The following WDR41 variants were observed in gnomAD, a reference collection of about 807,000 sequenced individuals.
WDR41 encodes the protein WD repeat-containing protein 41.
A neutral mutation model predicts 69.3 loss-of-function variants in WDR41; 63 were observed. The ratio of observed to expected loss-of-function variants is 0.91; its 90% confidence interval spans 0.74 to 1.12. The LOEUF is 1.12. WDR41 is among the 50% of genes most tolerant of loss of function. The pLI is 0.00. For synonymous variants in WDR41, 185 were observed against 192.1 expected, an observed-to-expected ratio of 0.96 and a Z score of 0.31; for missense variants, 543 against 534.5, an observed-to-expected ratio of 1.02 and a Z score of -0.16.
chr5:77,549,602 CT>C (rs1436666300), intron 1 of WDR41, among the ~76,000 whole-genome samples: 6 of 152,102 alleles, frequency 3.9e-5, no homozygotes, highest in African/African-American at 1.4e-4. Context: ...CTACAAAATG[CT>C]GCTGAAAGAA....
Position 77,557,823 on chromosome 5 carries a change from CTG to C in WDR41, c.42+62654_42+62655del, listed in dbSNP as rs540440531. ...GTTTACCAACAGTAGAATGAATAAA[CTG>C]TGGCATATTCATACAATGGACTATT... is the stretch of plus-strand genomic sequence containing the variant. On this transcript the variant is annotated intron_variant, in intron 1 of 5. Transcript: ENST00000509971. Among the ~76,000 whole-genome samples, 544 of 152,178 alleles carry C rather than the reference CTG, an allele frequency of 3.6e-3. 3 individuals carry two copies. The highest frequency in any genetic ancestry group is 5.7e-3 in the Non-Finnish European group (391 of 68,000).
chr5:77,501,098 G>A (rs1342288136), intron 1 of WDR41, among the ~76,000 whole-genome samples: 1 of 152,242 alleles, frequency 6.6e-6, no homozygotes, highest in Non-Finnish European at 1.5e-5. Context: ...AGTGCAAGGG[G>A]TTGCAGGATT....
intron 1 of WDR41, among the ~76,000 whole-genome samples, chr5:77,512,411 G>T (rs1014463777): frequency 2.7e-5 from 4 of 146,754 alleles, no homozygotes; most frequent in Non-Finnish European, 6.0e-5. Flanking sequence ...TATGATGGGG[G>T]CAGTCAGGAA....
intron 4 of WDR41, 106 bp downstream of exon 4, chr5:77,462,989 A>C (rs1026628730): frequency 1.6e-6 from 2 of 1,263,360 alleles, no homozygotes; most frequent in African/African-American, 3.1e-5. Context: ...CATTTTTGCT[A>C]TAACAAGAAT....
intron 1 of WDR41, among the ~76,000 whole-genome samples, chr5:77,550,043 C>G (rs1211125467): frequency 6.6e-6 from 1 of 151,392 alleles, no homozygotes; most frequent in Non-Finnish European, 1.5e-5. Context: ...TAGCCATAAC[C>G]AGAAGAAAAA....
intron 4 of WDR41, among the ~76,000 whole-genome samples, chr5:77,462,093 T>A (rs1292820823): frequency 6.6e-6 from 1 of 151,932 alleles, no homozygotes; most frequent in East Asian, 1.9e-4. Context: ...GTGACTCTAT[T>A]TTTTTCATCT....
At chr5:77,594,049 T>A (rs187165006) in intron 1 of WDR41, among the ~76,000 whole-genome samples, 1 of 152,074 alleles carries the variant, frequency 6.6e-6, no homozygotes, top group Non-Finnish European at 1.5e-5. Context: ...TAGATAGATA[T>A]AATTTTCAGG....
upstream of WDR41, chr5:77,492,371 C>T: frequency 2.0e-6 from 2 of 990,880 alleles, no homozygotes; most frequent in Admixed American, 2.7e-5. Context: ...GAATGCAGAC[C>T]ACAGTTGAGG....
chr5:77,511,868 G>A (rs1802208232), intron 1 of WDR41, among the ~76,000 whole-genome samples: 1 of 151,536 alleles, frequency 6.6e-6, no homozygotes, highest in South Asian at 2.1e-4. Context: ...CTTACCGAGA[G>A]CCAACCTAAT....
intron 1 of WDR41, chr5:77,582,793 A>T (rs1743963607): frequency 6.2e-7 from 1 of 1,600,818 alleles, no homozygotes; most frequent in African/African-American, 1.3e-5. Context: ...AGAGCCATAT[A>T]TAGCATGGGG....
chr5:77,466,803 A>G (rs995308330), intron 2 of WDR41, among the ~76,000 whole-genome samples: 2 of 141,454 alleles, frequency 1.4e-5, no homozygotes, highest in African/African-American at 2.8e-5. Context: ...TTCTATTGCT[A>G]CCATTTTTTT....
intron 2 of WDR41, among the ~76,000 whole-genome samples, chr5:77,465,578 G>C (rs335655): frequency 0.75 from 113,488 of 151,962 alleles, 43,048 homozygotes; most frequent in African/African-American, 0.87. Flanking sequence ...TTATACTAAC[G>C]CAACAAAGTA....
chr5:77,520,225 TC>T (rs1802353023), intron 1 of WDR41, among the ~76,000 whole-genome samples: 1 of 152,096 alleles, frequency 6.6e-6, no homozygotes, highest in South Asian at 2.1e-4. Context: ...TGAAAAAGGG[TC>T]TACGCTAATA....
At chr5:77,583,405 T>G (rs1743977759) in intron 1 of WDR41, among the ~76,000 whole-genome samples, 1 of 151,020 alleles carries the variant, frequency 6.6e-6, no homozygotes, top group African/African-American at 2.4e-5. Flanking sequence ...TCTCAGCTAC[T>G]CAGGAGGCTG....
At chr5:77,609,269 A>G (rs1476769415) in intron 1 of WDR41, among the ~76,000 whole-genome samples, 1 of 152,210 alleles carries the variant, frequency 6.6e-6, no homozygotes, top group African/African-American at 2.4e-5. Context: ...CTGCAGACTT[A>G]AATGTCCCTA....
chr5:77,446,270 G>A (rs1397905496), intron 8 of WDR41, among the ~76,000 whole-genome samples: 1 of 151,654 alleles, frequency 6.6e-6, no homozygotes, highest in Non-Finnish European at 1.5e-5. Context: ...TCAAGGAAAT[G>A]GGAGGACACA....
At chr5:77,571,069 TGTCA>T (rs1337314920) in intron 1 of WDR41, among the ~76,000 whole-genome samples, 1 of 152,130 alleles carries the variant, frequency 6.6e-6, no homozygotes, top group Non-Finnish European at 1.5e-5. Context: ...CACACACAGA[TGTCA>T]GTCAGTTTCA....
chr5:77,481,678 G>A (rs190790600), intron 2 of WDR41, among the ~76,000 whole-genome samples: 355 of 151,690 alleles, frequency 2.3e-3, no homozygotes, highest in Middle Eastern at 0.014. Flanking sequence ...CCAGCTACTC[G>A]GGAGGCTGAG....
At chr5:77,534,834 G>A (rs1742935306) in intron 1 of WDR41, among the ~76,000 whole-genome samples, 1 of 152,172 alleles carries the variant, frequency 6.6e-6, no homozygotes, top group African/African-American at 2.4e-5. Flanking sequence ...CCTGCTCTCA[G>A]AGATCAAAGT....
Sources: gnomAD v4.1 joint callset for allele counts (sites outside exome capture counted in the v4.1 genomes callset) on GRCh38, gnomAD v4.1.1 for gene constraint, MANE v1.5 for transcripts, NCBI Gene and HGNC (gene_info 2026-07-23, HGNC 2026-07-21) for gene names.